Variants in RYR1 observed in about 807,000 individuals in gnomAD.
RYR1 encodes the protein ryanodine receptor 1.
In RYR1, 342 loss-of-function variants were observed where a neutral mutation model predicts 583.5. The ratio of observed to expected loss-of-function variants is 0.59; its 90% CI spans 0.54 to 0.64. RYR1 has a LOEUF of 0.64. Among genes scored for constraint, RYR1 ranks in the 30% least tolerant of loss-of-function variants. The pLI, the probability that RYR1 is intolerant of heterozygous loss-of-function variation, is 0.00. For synonymous variants in RYR1, 2,791 were observed against 2,822.5 expected (o/e 0.99, Z 0.35); for missense variants, 6,032 against 6,917.2 (o/e 0.87, Z 4.54).
Position 38,510,758 on chromosome 19 carries a change from C to G in RYR1, c.9099C>G (p.Asn3033Lys). The G allele has an allele frequency of 6.2e-7, 1 of 1,614,216 alleles. No individual in the cohort carries two copies. Among genetic ancestry groups the G allele is most frequent in the Non-Finnish European group, 8.5e-7 (1 of 1,180,030 alleles). Residue 3033 changes from asparagine (N) to lysine (K), a missense_variant, in exon 60 of 106, where the codon AAC (asparagine) becomes AAG (lysine). Around this residue, in one of 11 missense-constraint regions of RYR1, gnomAD observed 1,493 missense variants for 1,715.5 expected, o/e 0.87. Coordinates refer to ENST00000359596, the MANE Select transcript of RYR1 (RefSeq NM_000540.3). The stretch of plus-strand genomic sequence containing the variant: ...TGGGCAGCGGTGGCCACGCCTCTAA[C>G]AAGGAGAAGGAAATGATCACCAGGT... Reference protein sequence around the residue: ...KVLGSGGHASNKEKEMITSLF... With the variant: ...KVLGSGGHASKKEKEMITSLF...
At chr19:38,455,837 ACT>A in intron 16 of RYR1, 86 bp downstream of exon 16, 1 of 836,858 alleles carries the variant, frequency 1.2e-6, no homozygotes, top group East Asian at 2.4e-5. Context: ...TCACTCCCTC[ACT>A]TCCCTCCTCC....
At chr19:38,438,771 A>C (rs1972540843) in intron 1 of RYR1, among the ~76,000 whole-genome samples, 1 of 151,506 alleles carries the variant, frequency 6.6e-6, no homozygotes, top group African/African-American at 2.4e-5. Flanking sequence ...GGCGCCCGCC[A>C]CCACACCCGG....
In RYR1 at chr19:38,450,863, T is replaced by C. The variant is rs938767156; in HGVS notation, c.1123-901T>C. Among the ~76,000 whole-genome samples, 76 of 152,138 alleles carry C rather than the reference T, an allele frequency of 5.0e-4. 1 individual carries two copies. Among genetic ancestry groups the C allele is most frequent in the Non-Finnish European group, 5.9e-5 (4 of 68,030 alleles). On this transcript the variant is annotated intron_variant, in intron 11 of 105. Coordinates refer to ENST00000359596, the MANE Select transcript of RYR1 (RefSeq NM_000540.3). ...AGGTATACCTTTTCTATCGGCACAT[T>C]CCCCCATGCAAGCTTGTAGCTCGAT...
At position 38,512,357 on chromosome 19, in the gene RYR1, T is replaced by A. The variant is rs1336789605; in HGVS notation, c.9346T>A (p.Ser3116Thr). ...GGAGAACCTGCGGCTGGGCAAGGTG[T>A]CGCAGGCGCGCACCCAGGTGAAAGG... is the stretch of plus-strand genomic sequence containing the variant. ...MVENLRLGKV[S>T]QARTQVKGVG... is the part of the protein sequence containing the mutation. Residue 3116 changes from serine (S) to threonine (T), a missense_variant, in exon 63 of 106, where the codon TCG becomes ACG. Coordinates refer to ENST00000359596, the MANE Select transcript of RYR1 (RefSeq NM_000540.3). This position sits in a 1 kb window ranked among gnomAD's most constrained non-coding sequence, Gnocchi z 5.1. 9.9e-6 allele frequency: 16 copies of A among 1,613,944 alleles called. No individual in the cohort carries two copies. Among genetic ancestry groups the A allele is most frequent in the African/African-American group, 1.3e-5 (1 of 74,918 alleles).
chr19:38,507,962 G>A (rs1970555262), intron 58 of RYR1, 135 bp downstream of exon 58: 1 of 677,138 alleles, frequency 1.5e-6, no homozygotes, highest in Admixed American at 2.1e-5. Flanking sequence ...CTTCTACTAT[G>A]TGCCAGACAC....
rs369455775 is a variant in RYR1, at chr19:38,561,184, G to A, written c.12354G>A (p.Glu4118=). The A allele has an allele frequency of 2.4e-5, 38 of 1,614,216 alleles. No homozygotes were observed. The highest frequency in any genetic ancestry group is 3.2e-5 in the Non-Finnish European group (38 of 1,180,036). ...QFLLSCSEAD[E]NEMINCEEFA... is the part of the protein sequence containing the mutation. ...TGCTTTCGTGCTCCGAAGCGGATGAGAACGAAATGATCAACTGCGAAGAGT... is the reference window on the plus strand; with the variant it reads ...TGCTTTCGTGCTCCGAAGCGGATGAAAACGAAATGATCAACTGCGAAGAGT... The change falls in exon 90 of 106, where the codon GAG becomes GAA. Residue 4118 remains glutamate, a synonymous_variant. Transcript: ENST00000359596. This position sits in a 1 kb window ranked among gnomAD's most constrained non-coding sequence, Gnocchi z 4.8.
At chr19:38,490,948 A>G (rs1969525849) in intron 37 of RYR1, among the ~76,000 whole-genome samples, 1 of 152,234 alleles carries the variant, frequency 6.6e-6, no homozygotes, top group Non-Finnish European at 1.5e-5. Flanking sequence ...AGCCAGATAA[A>G]TGAATGGGTA....
At position 38,528,660 on chromosome 19, in the gene RYR1, C is replaced by T. The variant is rs776643556; in HGVS notation, c.10999C>T (p.His3667Tyr). Residue 3667 changes from histidine (H) to tyrosine (Y), a missense_variant, in exon 75 of 106, where the codon CAC becomes TAC. Physicochemically the swap from His to Tyr is moderately conservative, Grantham distance 83. Transcript: ENST00000359596. Reference sequence around the variant, plus strand: ...GGCTGCATGGATCCTGACTGAAGACCACAGTTTTGAGGACCGCATGATAGA... The same window carrying T: ...GGCTGCATGGATCCTGACTGAAGACTACAGTTTTGAGGACCGCATGATAGA... ...YKAAWILTED[H>Y]SFEDRMIDDL... 6.2e-7 allele frequency: 1 copy of T among 1,614,162 alleles called. No homozygotes were observed. The highest frequency in any genetic ancestry group is 8.5e-7 in the Non-Finnish European group (1 of 1,180,022).
In RYR1 at chr19:38,477,789, A is replaced by T; in HGVS notation, c.4373A>T (p.Gln1458Leu). Residue 1458 changes from glutamine (Q) to leucine (L), a missense_variant, in exon 30 of 106, where the codon CAG becomes CTG. By Grantham distance (113) the Gln-to-Leu change is moderately radical. Coordinates refer to ENST00000359596, the MANE Select transcript of RYR1 (RefSeq NM_000540.3). ...GGCTGGGTCACCCCTGACTACCATC[A>T]GCACGACATGAGCTTCGACCTCAGC... ...WAGWVTPDYH[Q>L]HDMSFDLSKV... 6.2e-7 allele frequency: 1 copy of T among 1,613,806 alleles called. No individual in the cohort carries two copies. The highest frequency in any genetic ancestry group is 8.5e-7 in the Non-Finnish European group (1 of 1,179,894).
chr19:38,515,563 G>A (rs1024647754), intron 64 of RYR1, among the ~76,000 whole-genome samples: 4 of 152,182 alleles, frequency 2.6e-5, no homozygotes, highest in African/African-American at 9.7e-5. Context: ...GGAGGCTGAG[G>A]CGGGAAGATC....
At chr19:38,567,130 G>A in intron 92 of RYR1, 143 bp downstream of exon 92, 2 of 1,343,178 alleles carry the variant, frequency 1.5e-6, no homozygotes, top group Non-Finnish European at 1.0e-6. Context: ...CACGGAGGAG[G>A]GGCTCTGAGT....
At chr19:38,570,786 T>C in intron 94 of RYR1, 93 bp downstream of exon 94, 1 of 1,089,384 alleles carries the variant, frequency 9.2e-7, no homozygotes, top group Non-Finnish European at 1.4e-6. Flanking sequence ...GTTCCTCCAC[T>C]GAAGGGATAA....
chr19:38,558,171 G>A (rs184083003), intron 89 of RYR1, among the ~76,000 whole-genome samples: 292 of 150,614 alleles, frequency 1.9e-3, no homozygotes, highest in Non-Finnish European at 3.0e-3. Flanking sequence ...AAAATTAGCT[G>A]GGTATGGTGG....
Position 38,448,767 on chromosome 19 carries a change from C to T in RYR1, c.1076C>T (p.Ala359Val). 1 of 1,614,174 alleles carries T rather than the reference C, an allele frequency of 6.2e-7. No homozygotes were observed. Among genetic ancestry groups the T allele is most frequent in the Non-Finnish European group, 8.5e-7 (1 of 1,180,034 alleles). The change falls in exon 11 of 106, where the codon GCT becomes GTT. Residue 359 changes from alanine to valine, a missense_variant. Physicochemically the swap from Ala to Val is moderately conservative, Grantham distance 64. This residue lies in a region of RYR1 where 338 missense variants were observed against 441.6 expected (regional missense o/e 0.77). Transcript: ENST00000359596. ...GCCTCAGGACTGTGGCTCACCTATGCTGCTCCAGACCCCAAGGCCCTGCGG... is the reference window on the plus strand; with the variant it reads ...GCCTCAGGACTGTGGCTCACCTATGTTGCTCCAGACCCCAAGGCCCTGCGG... ...HVASGLWLTY[A>V]APDPKALRLG...
At position 38,506,906 on chromosome 19, in the gene RYR1, C is replaced by T. The variant is rs1245659010; in HGVS notation, c.8770C>T (p.Gln2924Ter). The change falls in exon 57 of 106, where the codon CAG becomes TAG. Residue 2924 changes from glutamine (Q) to a stop codon, truncating the protein, a stop_gained. Transcript: ENST00000359596. LOFTEE classifies it high-confidence loss of function. The stretch of plus-strand genomic sequence containing the variant: ...GAAGGCACGAGATCGAGAGAAGGCC[C>T]AGGAGCTACTGAAATTCCTGCAGAT... ...KEKARDREKA[Q>*]ELLKFLQMNG... 2 of 1,613,154 alleles carry T rather than the reference C, an allele frequency of 1.2e-6. No individual in the cohort carries two copies. Among genetic ancestry groups the T allele is most frequent in the African/African-American group, 2.7e-5 (2 of 74,882 alleles).
Position 38,460,519 on chromosome 19 carries a change from G to T in RYR1, c.2505G>T (p.Gly835=). 6.2e-7 allele frequency: 1 copy of T among 1,614,156 alleles called. No homozygotes were observed. The highest frequency in any genetic ancestry group is 8.5e-7 in the Non-Finnish European group (1 of 1,180,040). ...AGTATCGACGGGAGGGGCCCCGGGG[G>T]CCTCACCTGGTGGGCCCCAGTCGCT... ...IKEYRREGPR[G]PHLVGPSRCL... The change falls in exon 20 of 106, where the codon GGG becomes GGT. Residue 835 remains glycine (G), a synonymous_variant. Transcript: ENST00000359596.
chr19:38,490,776 C>T lies in RYR1; in HGVS notation c.6127+44C>T, dbSNP rs754304711. The T allele has an allele frequency of 2.1e-5, 26 of 1,239,732 alleles. No individual in the cohort carries two copies. The South Asian group carries it at 2.5e-4, about 12-fold the overall frequency. 76.8% of individuals were successfully genotyped at this position (1,239,732 alleles called of 1,614,324 possible). A position where few individuals can be genotyped will look rare whatever the true frequency, so the allele number is the denominator to read the frequency against. ...AGAGTCCTCCCCATGCTAACTTTCT[C>T]TCGAGACCTCTCCAGAAGTTTCCCT... On this transcript the variant is annotated intron_variant, in intron 37 of 105. Coordinates refer to ENST00000359596, the MANE Select transcript of RYR1 (RefSeq NM_000540.3).
At chr19:38,467,509 A>C in intron 24 of RYR1, 101 bp from the exon 25 acceptor site, 1 of 1,252,034 alleles carries the variant, frequency 8.0e-7, no homozygotes, top group East Asian at 2.3e-5. Context: ...AGTTCCCCAA[A>C]GCCCTTACTG....
In RYR1 at chr19:38,502,492, C is replaced by G. The variant is rs1466634746; in HGVS notation, c.7615-15C>G. On this transcript the variant is annotated splice_polypyrimidine_tract_variant and intron_variant, in intron 47 of 105. Coordinates refer to ENST00000359596, the MANE Select transcript of RYR1 (RefSeq NM_000540.3). ...GGGTGTGCAGCGGGCCTGATGTCCTCACCCTGCGCCCTAGGCCACTTTCAG... is the reference window on the plus strand; with the variant it reads ...GGGTGTGCAGCGGGCCTGATGTCCTGACCCTGCGCCCTAGGCCACTTTCAG... 16 of 1,600,952 alleles carry G rather than the reference C, an allele frequency of 1.0e-5. No homozygotes were observed. The highest frequency in any genetic ancestry group is 1.4e-5 in the Non-Finnish European group (16 of 1,176,926).
Sources: gnomAD v4.1 joint callset for allele counts (sites outside exome capture counted in the v4.1 genomes callset) on GRCh38, gnomAD v4.1.1 for gene constraint, gnomAD v4.1.1 regional missense constraint, Gnocchi (gnomAD v3.1) non-coding constraint, MANE v1.5 for transcripts, NCBI Gene and HGNC (gene_info 2026-07-23, HGNC 2026-07-21) for gene names.